ACOT7: variants seen among roughly 807,000 people sequenced by gnomAD.
ACOT7 encodes acyl-CoA thioesterase 7.
A neutral mutation model predicts 40.2 loss-of-function variants in ACOT7; 12 were observed. That is an observed-to-expected ratio of 0.30 (90% CI 0.19 to 0.48). ACOT7 has a LOEUF of 0.48. ACOT7 is among the 20% of genes least tolerant of loss of function. The pLI, the probability that ACOT7 is intolerant of heterozygous loss-of-function variation, is 0.99. For synonymous variants in ACOT7, 228 were observed against 219.5 expected (o/e 1.04, Z -0.34); for missense variants, 395 against 530.8 (o/e 0.74, Z 2.51).
rs1252976666 is a variant in ACOT7, at chr1:6,286,042, G to A, written c.830-4756C>T. 1.4e-4 allele frequency among the ~76,000 whole-genome samples: 22 copies of A among 152,190 alleles called. 1 individual carries two copies. Among genetic ancestry groups the A allele is most frequent in the Admixed American group, 1.4e-3 (21 of 15,270 alleles). ...GCAAACACAACCCCAAGCAGTGCCA[G>A]TACCTGCCATAACAAGGCAGCCAAG... On this transcript the variant is annotated intron_variant, in intron 7 of 8. Coordinates refer to ENST00000361521, the MANE Select transcript of ACOT7 (RefSeq NM_007274.4).
In ACOT7 at chr1:6,330,238, A is replaced by G. The variant is rs77279011; in HGVS notation, c.511-2825T>C. On this transcript the variant is annotated intron_variant, in intron 4 of 8. Coordinates refer to ENST00000361521, the MANE Select transcript of ACOT7 (RefSeq NM_007274.4). This position sits in a 1 kb window ranked among gnomAD's most constrained non-coding sequence, Gnocchi z 4.6. The stretch of plus-strand genomic sequence containing the variant: ...AGGTCAGCGGGAGCATGCTCATGCA[A>G]TATAAGACAGCCCTGTGGCCAGGCC... 0.067 allele frequency among the ~76,000 whole-genome samples: 10,196 copies of G among 152,296 alleles called. 487 individuals carry two copies. The highest frequency in any genetic ancestry group is 0.12 in the African/African-American group (5,141 of 41,546).
At chr1:6,374,492 C>T (rs1336116200) in intron 1 of ACOT7, among the ~76,000 whole-genome samples, 2 of 152,244 alleles carry the variant, frequency 1.3e-5, no homozygotes, top group Admixed American at 1.3e-4. Context: ...AGAAGCTGAG[C>T]TCCACAGCGT....
At chr1:6,277,109 C>A (rs974789248) in intron 8 of ACOT7, among the ~76,000 whole-genome samples, 1 of 152,198 alleles carries the variant, frequency 6.6e-6, no homozygotes, top group Non-Finnish European at 1.5e-5. Flanking sequence ...GCTATCCACA[C>A]AAGGGTGGAC....
intron 3 of ACOT7, among the ~76,000 whole-genome samples, chr1:6,336,846 G>A (rs988417892): frequency 1.1e-4 from 16 of 152,194 alleles, no homozygotes; most frequent in Admixed American, 9.2e-4. Context: ...GAGAGAGATG[G>A]CAGAGAAGCA....
At chr1:6,345,259 G>A (rs953604056) in intron 2 of ACOT7, among the ~76,000 whole-genome samples, 4 of 152,216 alleles carry the variant, frequency 2.6e-5, no homozygotes. Flanking sequence ...AAAAGCAACT[G>A]GTATCACACG....
intron 1 of ACOT7, among the ~76,000 whole-genome samples, chr1:6,392,245 C>T (rs1309955256): frequency 6.6e-6 from 1 of 152,158 alleles, no homozygotes; most frequent in Non-Finnish European, 1.5e-5. Context: ...GCCCAACCCC[C>T]AAATGTGAGG....
intron 1 of ACOT7, among the ~76,000 whole-genome samples, chr1:6,391,665 C>T (rs1232898079): frequency 6.6e-6 from 1 of 152,170 alleles, no homozygotes; most frequent in Non-Finnish European, 1.5e-5. Context: ...GGGAAGAATA[C>T]TGGATCTGGA....
At chr1:6,390,396 A>ACC (rs767709592) in intron 1 of ACOT7, among the ~76,000 whole-genome samples, 51 of 151,560 alleles carry the variant, frequency 3.4e-4, no homozygotes, top group Middle Eastern at 3.4e-3. Flanking sequence ...ACATGGTGAA[A>ACC]CCCCATCTCT....
intron 6 of ACOT7, among the ~76,000 whole-genome samples, chr1:6,308,355 C>T (rs1402111534): frequency 6.0e-5 from 9 of 149,862 alleles, no homozygotes; most frequent in Non-Finnish European, 5.9e-5. Flanking sequence ...GCAGAAGGAA[C>T]AGCCACAGGC....
intron 6 of ACOT7, among the ~76,000 whole-genome samples, chr1:6,317,635 A>C (rs188463645): frequency 2.3e-4 from 35 of 152,128 alleles, no homozygotes; most frequent in Non-Finnish European, 3.5e-4. Flanking sequence ...TCTCACAGCT[A>C]TCAGATCCCG....
chr1:6,323,951 G>A (rs1640730254), intron 5 of ACOT7, among the ~76,000 whole-genome samples: 1 of 151,864 alleles, frequency 6.6e-6, no homozygotes, highest in African/African-American at 2.4e-5. Context: ...CAAAGGCCAA[G>A]ATGGCCTCTC....
intron 7 of ACOT7, among the ~76,000 whole-genome samples, chr1:6,291,079 A>T (rs971624609): frequency 6.6e-6 from 1 of 152,184 alleles, no homozygotes; most frequent in African/African-American, 2.4e-5. Flanking sequence ...TGATTTTATA[A>T]AAGTGGAAGT....
In ACOT7 at chr1:6,289,955, C is replaced by T. The variant is rs560001824; in HGVS notation, c.829+4909G>A. Among the ~76,000 whole-genome samples, 2 of 152,320 alleles carry T rather than the reference C, an allele frequency of 1.3e-5. No individual in the cohort carries two copies. Among genetic ancestry groups the T allele is most frequent in the Admixed American group, 6.5e-5 (1 of 15,306 alleles). ...CAAATCCACTGAACCTGTGACCTCACGTGGCAAAGGGGACTCTGCAGACAT... is the reference window on the plus strand; with the variant it reads ...CAAATCCACTGAACCTGTGACCTCATGTGGCAAAGGGGACTCTGCAGACAT... On this transcript the variant is annotated intron_variant, in intron 7 of 8. Transcript: ENST00000361521. The surrounding 1 kb of genome is among the most constrained non-coding windows in gnomAD (Gnocchi z 4.6).
rs757053742 is a variant in ACOT7, at chr1:6,278,980, G to A, written c.1014+2122C>T. Among the ~76,000 whole-genome samples, 4 of 152,220 alleles carry A rather than the reference G, an allele frequency of 2.6e-5. No homozygotes were observed. Among genetic ancestry groups the A allele is most frequent in the Non-Finnish European group, 4.4e-5 (3 of 68,038 alleles). On this transcript the variant is annotated intron_variant, in intron 8 of 8. Coordinates refer to ENST00000361521, the MANE Select transcript of ACOT7 (RefSeq NM_007274.4). The surrounding 1 kb of genome is among the most constrained non-coding windows in gnomAD (Gnocchi z 4.1). ...AGGGGGCGGGGAAGGAGAGAGCTTCGGAAATGTGCCTGGGTCAGGTGGGGG... is the reference window on the plus strand; with the variant it reads ...AGGGGGCGGGGAAGGAGAGAGCTTCAGAAATGTGCCTGGGTCAGGTGGGGG...
At chr1:6,331,989 C>G (rs2148436437) in intron 4 of ACOT7, among the ~76,000 whole-genome samples, 1 of 152,288 alleles carries the variant, frequency 6.6e-6, no homozygotes, top group East Asian at 1.9e-4. Flanking sequence ...GACCGGGGGG[C>G]CACGGGAAGA....
Position 6,359,916 on chromosome 1 carries a change from A to G in ACOT7, c.144-10050T>C, listed in dbSNP as rs1641850502. Among the ~76,000 whole-genome samples, 1 of 152,100 alleles carries G rather than the reference A, an allele frequency of 6.6e-6. No individual in the cohort carries two copies. The highest frequency in any genetic ancestry group is 1.9e-4 in the East Asian group (1 of 5,192). ...TAGGGCAGAGAGGGCTGATTAGGCC[A>G]CTCCCACTGGAACAGCCGGCCCTTA... On this transcript the variant is annotated intron_variant, in intron 1 of 8. Transcript: ENST00000361521. This position sits in a 1 kb window ranked among gnomAD's most constrained non-coding sequence, Gnocchi z 4.1.
intron 6 of ACOT7, among the ~76,000 whole-genome samples, chr1:6,315,693 G>C (rs1640469133): frequency 6.9e-6 from 1 of 144,296 alleles, no homozygotes; most frequent in South Asian, 2.2e-4. Context: ...AGAGCTTGCA[G>C]TGAGCCGAGA....
At chr1:6,333,933 G>A (rs1433909698) in intron 3 of ACOT7, among the ~76,000 whole-genome samples, 2 of 152,152 alleles carry the variant, frequency 1.3e-5, no homozygotes, top group Non-Finnish European at 2.9e-5. Flanking sequence ...CCTTTCCAGG[G>A]GCTGCTGAGA....
chr1:6,286,728 G>A (rs1639514292), intron 7 of ACOT7, among the ~76,000 whole-genome samples: 1 of 152,166 alleles, frequency 6.6e-6, no homozygotes, highest in African/African-American at 2.4e-5. Flanking sequence ...GGCCACCTGG[G>A]CATTTTGGGG....
Sources: gnomAD v4.1 joint callset for allele counts (sites outside exome capture counted in the v4.1 genomes callset) on GRCh38, gnomAD v4.1.1 for gene constraint, Gnocchi (gnomAD v3.1) non-coding constraint, MANE v1.5 for transcripts, NCBI Gene and HGNC (gene_info 2026-07-23, HGNC 2026-07-21) for gene names.